Variants in LRRTM4 observed in about 807,000 individuals in gnomAD.
The protein encoded by LRRTM4 is leucine rich repeat transmembrane neuronal 4.
In LRRTM4, 25 loss-of-function variants were observed where a neutral mutation model predicts 47.6. The ratio of observed to expected loss-of-function variants is 0.53; its 90% CI spans 0.38 to 0.73. The LOEUF (loss-of-function observed/expected upper bound fraction) is 0.73. LRRTM4 is among the 30% of genes least tolerant of loss of function. LRRTM4 has a pLI of 0.00. For missense variants in LRRTM4, 638 were observed against 713.4 expected, an observed-to-expected ratio of 0.89 and a Z score of 1.20; for synonymous variants, 311 against 269.5, an observed-to-expected ratio of 1.15 and a Z score of -1.51.
At chr2:77,427,759 G>A (rs1017160380) in intron 3 of LRRTM4, among the ~76,000 whole-genome samples, 1 of 152,162 alleles carries the variant, frequency 6.6e-6, no homozygotes, top group Non-Finnish European at 1.5e-5. Context: ...TATAACCAAG[G>A]CTCCACTGAA....
At chr2:77,134,930 T>TA (rs920355263) in intron 3 of LRRTM4, among the ~76,000 whole-genome samples, 52 of 152,282 alleles carry the variant, frequency 3.4e-4, no homozygotes, top group African/African-American at 1.2e-3. Context: ...CAGCTAATAG[T>TA]AAATGGTAAT....
intron 3 of LRRTM4, among the ~76,000 whole-genome samples, chr2:77,318,060 GCA>G (rs1428728179): frequency 3.7e-5 from 5 of 135,214 alleles, no homozygotes; most frequent in Admixed American, 1.6e-4. Flanking sequence ...AGGCTGGAGT[GCA>G]GTGGCGCGAT....
At chr2:76,784,725 C>G (rs984752646) in intron 3 of LRRTM4, among the ~76,000 whole-genome samples, 7 of 151,940 alleles carry the variant, frequency 4.6e-5, no homozygotes, top group African/African-American at 1.2e-4. Flanking sequence ...ATCTGAACAC[C>G]TTTATAAAAT....
intron 3 of LRRTM4, among the ~76,000 whole-genome samples, chr2:76,930,609 C>T (rs1369461466): frequency 1.8e-4 from 27 of 152,074 alleles, no homozygotes; most frequent in Admixed American, 1.8e-3. Flanking sequence ...GACAGTCTTA[C>T]AGCATGTTGT....
intron 3 of LRRTM4, among the ~76,000 whole-genome samples, chr2:77,255,514 C>G (rs1019322393): frequency 6.6e-6 from 1 of 151,936 alleles, no homozygotes; most frequent in Non-Finnish European, 1.5e-5. Context: ...AGATTGTATC[C>G]TAGACCATGA....
chr2:77,179,355 T>C (rs1369367679), intron 3 of LRRTM4, among the ~76,000 whole-genome samples: 1 of 152,190 alleles, frequency 6.6e-6, no homozygotes. Flanking sequence ...AAAAAGTCAA[T>C]GAACAAAGTC....
At chr2:77,176,109 A>G (rs1673191207) in intron 3 of LRRTM4, among the ~76,000 whole-genome samples, 1 of 152,060 alleles carries the variant, frequency 6.6e-6, no homozygotes, top group Admixed American at 6.6e-5. Context: ...ATGTGTATGA[A>G]TGCTTGAGGC....
intron 3 of LRRTM4, among the ~76,000 whole-genome samples, chr2:76,795,592 TACAC>T (rs1299097982): frequency 3.7e-5 from 4 of 108,498 alleles, no homozygotes; most frequent in Admixed American, 1.0e-4. Context: ...CACACACACA[TACAC>T]ACACACTACA....
chr2:77,121,763 C>G (rs1357025977), intron 3 of LRRTM4, among the ~76,000 whole-genome samples: 2 of 151,752 alleles, frequency 1.3e-5, no homozygotes, highest in Non-Finnish European at 3.0e-5. Flanking sequence ...TTTCTACCAT[C>G]TGGTAAAAAC....
At chr2:76,788,212 T>C (rs1205274459) in intron 3 of LRRTM4, among the ~76,000 whole-genome samples, 1 of 152,112 alleles carries the variant, frequency 6.6e-6, no homozygotes, top group Admixed American at 6.6e-5. Flanking sequence ...TTGAGGTAAG[T>C]ACAAGGTCTA....
intron 3 of LRRTM4, among the ~76,000 whole-genome samples, chr2:76,760,011 T>G (rs1458896868): frequency 1.3e-5 from 2 of 152,182 alleles, no homozygotes; most frequent in East Asian, 3.9e-4. Context: ...AAAACTTCTA[T>G]GACAAGTTTG....
intron 3 of LRRTM4, among the ~76,000 whole-genome samples, chr2:76,986,471 A>G (rs1414778012): frequency 6.6e-6 from 1 of 151,894 alleles, no homozygotes; most frequent in Non-Finnish European, 1.5e-5. Context: ...TCCTTTTTGG[A>G]GGTCTTCTCT....
intron 3 of LRRTM4, among the ~76,000 whole-genome samples, chr2:77,085,450 TAA>T (rs1034252065): frequency 1.1e-4 from 17 of 151,508 alleles, no homozygotes; most frequent in African/African-American, 3.1e-4. Flanking sequence ...TCTTTCTAAA[TAA>T]AAGACAGATT....
Position 77,162,277 on chromosome 2 carries a change from G to A in LRRTM4, c.1551+356041C>T, listed in dbSNP as rs1284896263. 2.0e-5 allele frequency among the ~76,000 whole-genome samples: 3 copies of A among 152,200 alleles called. No individual in the cohort carries two copies. The South Asian group carries it at 6.2e-4, about 31-fold the overall frequency. ...AGGTGGCAGCAAGGCTGGGGGTGGG[G>A]CGTCTGCCATTGCTGAGGCTTCAGT... On this transcript the variant is annotated intron_variant, in intron 3 of 3. Coordinates refer to ENST00000409884, the MANE Select transcript of LRRTM4 (RefSeq NM_001134745.3).
intron 3 of LRRTM4, among the ~76,000 whole-genome samples, chr2:76,924,918 G>A (rs1026134433): frequency 3.3e-5 from 5 of 151,960 alleles, no homozygotes; most frequent in South Asian, 2.1e-4. Context: ...CTTTAAAGCC[G>A]GAACCCTTCT....
chr2:76,758,620 TCA>T (rs1673147393), intron 3 of LRRTM4, among the ~76,000 whole-genome samples: 1 of 152,166 alleles, frequency 6.6e-6, no homozygotes, highest in Non-Finnish European at 1.5e-5. Flanking sequence ...GCAGAATGAC[TCA>T]CAAATAATAC....
At chr2:77,109,900 C>T (rs1350389743) in intron 3 of LRRTM4, among the ~76,000 whole-genome samples, 1 of 151,144 alleles carries the variant, frequency 6.6e-6, no homozygotes, top group Admixed American at 6.6e-5. Flanking sequence ...GAACAGAAGA[C>T]AAATAAATTG....
chr2:76,859,721 A>G (rs1439028258), intron 3 of LRRTM4, among the ~76,000 whole-genome samples: 1 of 152,130 alleles, frequency 6.6e-6, no homozygotes, highest in East Asian at 1.9e-4. Flanking sequence ...GAAGTTTCCT[A>G]GCTCCATAAG....
In LRRTM4 at chr2:77,451,739, G is replaced by A. The variant is rs371673060; in HGVS notation, c.1551+66579C>T. Among the ~76,000 whole-genome samples the A allele has an allele frequency of 1.3e-4, 20 of 152,244 alleles. No individual in the cohort carries two copies. The East Asian group carries it at 2.5e-3, about 19-fold the overall frequency. On this transcript the variant is annotated intron_variant, in intron 3 of 3. Coordinates refer to ENST00000409884, the MANE Select transcript of LRRTM4 (RefSeq NM_001134745.3). ...AATAAATAAGGTGCTTTCAGAGGGTGATAATTACTTTAAATAGAATGCATG... is the reference window on the plus strand; with the variant it reads ...AATAAATAAGGTGCTTTCAGAGGGTAATAATTACTTTAAATAGAATGCATG...
Sources: allele counts gnomAD v4.1 joint callset (sites outside exome capture counted in the v4.1 genomes callset), GRCh38; gene constraint gnomAD v4.1.1; transcripts MANE v1.5; gene names NCBI Gene and HGNC (gene_info 2026-07-23, HGNC 2026-07-21).